SVIL: variants seen among roughly 807,000 people sequenced by gnomAD.
SVIL encodes archvillin.
In SVIL, 101 loss-of-function variants were observed where a neutral mutation model predicts 240.4. The ratio of observed to expected loss-of-function variants is 0.42; its 90% CI spans 0.36 to 0.50. The LOEUF (loss-of-function observed/expected upper bound fraction) is 0.50. Ranked by LOEUF, SVIL falls within the 20% of genes least tolerant of loss-of-function variation. The pLI is 0.01. For synonymous variants in SVIL, 999 were observed against 1,100.0 expected, an observed-to-expected ratio of 0.91 and a Z score of 1.82; for missense variants, 2,512 against 2,818.7, an observed-to-expected ratio of 0.89 and a Z score of 2.46.
chr10:29,657,982 T>C (rs1014619818), exon 3 of SVIL: 1 of 152,208 alleles, frequency 6.6e-6, no homozygotes, highest in Non-Finnish European at 1.5e-5. Context: ...AACGCCGATA[T>C]TTAAATCATG....
chr10:29,719,598 T>C (rs1963851229), intron 1 of SVIL, among the ~76,000 whole-genome samples: 2 of 152,132 alleles, frequency 1.3e-5, no homozygotes, highest in African/African-American at 2.4e-5. Context: ...CAAGGACAAA[T>C]ATTCAAGATT....
chr10:29,736,145 C>T (rs1185996091), upstream of SVIL, among the ~76,000 whole-genome samples: 2 of 152,066 alleles, frequency 1.3e-5, no homozygotes, highest in Non-Finnish European at 2.9e-5. Context: ...GGGGGAAGCA[C>T]CAGAGCTGTC....
intron 1 of SVIL, among the ~76,000 whole-genome samples, chr10:29,694,362 C>T (rs1961759124): frequency 6.6e-6 from 1 of 151,988 alleles, no homozygotes; most frequent in South Asian, 2.1e-4. Flanking sequence ...GATCACACCA[C>T]TGCACTCCAA....
intron 6 of SVIL, among the ~76,000 whole-genome samples, chr10:29,537,236 G>T (rs1951807011): frequency 6.6e-6 from 1 of 152,120 alleles, no homozygotes; most frequent in African/African-American, 2.4e-5. Flanking sequence ...TACTAATTCA[G>T]GTCCATTCTG....
At chr10:29,514,040 A>G (rs903796906) in intron 16 of SVIL, among the ~76,000 whole-genome samples, 5 of 151,978 alleles carry the variant, frequency 3.3e-5, no homozygotes, top group African/African-American at 1.2e-4. Flanking sequence ...TGCTCAAACA[A>G]TTTAAAGAGT....
At chr10:29,672,557 G>A (rs563839843) in intron 2 of SVIL, among the ~76,000 whole-genome samples, 1 of 152,312 alleles carries the variant, frequency 6.6e-6, no homozygotes, top group Non-Finnish European at 1.5e-5. Context: ...TTTCCTTAGG[G>A]TAAAAATTAA....
At chr10:29,520,305 C>T (rs1332670000) in intron 16 of SVIL, among the ~76,000 whole-genome samples, 3 of 152,132 alleles carry the variant, frequency 2.0e-5, no homozygotes, top group Non-Finnish European at 4.4e-5. Context: ...GATCTCTCTT[C>T]TTCCTCACCT....
intron 2 of SVIL, among the ~76,000 whole-genome samples, chr10:29,661,763 T>C (rs1959166449): frequency 6.6e-6 from 1 of 152,228 alleles, no homozygotes; most frequent in Non-Finnish European, 1.5e-5. Flanking sequence ...GTGCTCACAG[T>C]GAATGGATGT....
intron 1 of SVIL, among the ~76,000 whole-genome samples, chr10:29,593,996 G>A (rs1956485730): frequency 6.6e-6 from 1 of 152,130 alleles, no homozygotes. Flanking sequence ...TGTACTACAG[G>A]TTGAGCATCC....
At chr10:29,611,837 C>T (rs963193754) in intron 1 of SVIL, among the ~76,000 whole-genome samples, 3 of 152,106 alleles carry the variant, frequency 2.0e-5, no homozygotes, top group Admixed American at 2.0e-4. Flanking sequence ...ACCCCCTACC[C>T]TTGGGACAGC....
chr10:29,534,448 A>T (rs1951600510), intron 7 of SVIL, among the ~76,000 whole-genome samples: 1 of 152,334 alleles, frequency 6.6e-6, no homozygotes, highest in Non-Finnish European at 1.5e-5. Flanking sequence ...GGCTGCAGTG[A>T]GCTATGATTG....
intron 1 of SVIL, among the ~76,000 whole-genome samples, chr10:29,720,341 G>A (rs10740808): frequency 0.68 from 103,584 of 152,108 alleles, 36,149 homozygotes; most frequent in East Asian, 0.95. Context: ...CATAAACTAA[G>A]AAGAAAAAAT....
At chr10:29,519,869 C>T (rs949200461) in intron 16 of SVIL, among the ~76,000 whole-genome samples, 2 of 152,170 alleles carry the variant, frequency 1.3e-5, no homozygotes, top group African/African-American at 4.8e-5. Flanking sequence ...TGTGTGCTCA[C>T]CCATTCAATT....
chr10:29,620,362 G>A lies in SVIL; in HGVS notation c.-201+14058C>T, dbSNP rs374451576. Among the ~76,000 whole-genome samples, 17 of 152,206 alleles carry A rather than the reference G, an allele frequency of 1.1e-4. No individual in the cohort carries two copies. The East Asian group carries it at 3.3e-3, about 29-fold the overall frequency. ...GAAAAGAGAGGAAGGGAAAGGGGGA[G>A]AGAGAGCAAAAGGAAAGAGGTGGGA... is the stretch of plus-strand genomic sequence containing the variant. On this transcript the variant is annotated intron_variant, in intron 1 of 37. Transcript: ENST00000355867.
chr10:29,464,040 C>T (rs890733487), intron 34 of SVIL, among the ~76,000 whole-genome samples: 2 of 152,238 alleles, frequency 1.3e-5, no homozygotes, highest in Non-Finnish European at 2.9e-5. Flanking sequence ...AACACTGGAG[C>T]GCACATCTCA....
At chr10:29,572,601 C>T (rs1374536153) in intron 1 of SVIL, among the ~76,000 whole-genome samples, 1 of 151,424 alleles carries the variant, frequency 6.6e-6, no homozygotes, top group African/African-American at 2.4e-5. Context: ...CCTGTCTCTA[C>T]AAAAAATAAA....
At chr10:29,598,529 TC>T (rs1327794630) in intron 1 of SVIL, among the ~76,000 whole-genome samples, 1 of 152,162 alleles carries the variant, frequency 6.6e-6, no homozygotes, top group African/African-American at 2.4e-5. Flanking sequence ...TTGTACAAAA[TC>T]CCTGGATTGC....
At chr10:29,554,222 G>T (rs1440245703) in intron 5 of SVIL, among the ~76,000 whole-genome samples, 23 of 151,818 alleles carry the variant, frequency 1.5e-4, no homozygotes, top group Non-Finnish European at 2.9e-5. Context: ...GAGGTGGGAG[G>T]ATCACTTGAC....
chr10:29,681,719 T>C (rs537005139), intron 2 of SVIL, among the ~76,000 whole-genome samples: 1 of 152,078 alleles, frequency 6.6e-6, no homozygotes, highest in Admixed American at 6.5e-5. Context: ...TCAAAGATGG[T>C]TTCAGATCAT....
Sources: gnomAD v4.1 joint callset for allele counts (sites outside exome capture counted in the v4.1 genomes callset) on GRCh38, gnomAD v4.1.1 for gene constraint, MANE v1.5 for transcripts, NCBI Gene and HGNC (gene_info 2026-07-23, HGNC 2026-07-21) for gene names.